The following TMEM50A variants were observed in gnomAD, a reference collection of about 807,000 sequenced individuals.
TMEM50A encodes transmembrane protein 50A.
Under a neutral mutation model 23.9 loss-of-function variants are expected in TMEM50A, and 8 were observed. That is an observed-to-expected ratio of 0.33 (90% CI 0.20 to 0.60). The LOEUF is 0.60. TMEM50A is among the 20% of genes least tolerant of loss of function. The pLI is 0.81. For missense variants in TMEM50A, 178 were observed against 192.7 expected, an observed-to-expected ratio of 0.92 and a Z score of 0.45; for synonymous variants, 55 against 60.4, an observed-to-expected ratio of 0.91 and a Z score of 0.41.
chr1:25,340,522 A>G lies in TMEM50A; in HGVS notation c.36A>G (p.Glu12=), dbSNP rs753247804. The part of the protein sequence containing the change: ...SGFLEGLRCS[E]CIDWGEKRNT... ...TTCTAGAGGGCTTGAGATGCTCAGAATGCATTGACTGGGGGGAAAAGCGCA... is the reference window on the plus strand; with the variant it reads ...TTCTAGAGGGCTTGAGATGCTCAGAGTGCATTGACTGGGGGGAAAAGCGCA... The change falls in exon 2 of 7, where the codon GAA becomes GAG. Residue 12 remains glutamate (E), a synonymous_variant. Transcript: ENST00000374358. 1.6e-5 allele frequency: 26 copies of G among 1,613,892 alleles called. No homozygotes were observed. The highest frequency in any genetic ancestry group is 1.7e-4 in the Middle Eastern group (1 of 6,060).
intron 3 of TMEM50A, among the ~76,000 whole-genome samples, chr1:25,349,227 C>T (rs1013702489): frequency 7.2e-5 from 11 of 152,166 alleles, no homozygotes; most frequent in Non-Finnish European, 7.3e-5. Context: ...AAATACCAGA[C>T]GTTTCAGTAA....
intron 2 of TMEM50A, among the ~76,000 whole-genome samples, chr1:25,340,831 A>G (rs1359621907): frequency 6.6e-6 from 1 of 152,214 alleles, no homozygotes; most frequent in Non-Finnish European, 1.5e-5. Context: ...TGTTCATTAT[A>G]TGGATTATAT....
chr1:25,356,870 T>C lies in TMEM50A; in HGVS notation c.428+17T>C, dbSNP rs777968106. 2 of 1,559,432 alleles carry C rather than the reference T, an allele frequency of 1.3e-6. No individual in the cohort carries two copies. Among genetic ancestry groups the C allele is most frequent in the Middle Eastern group, 1.7e-4 (1 of 5,880 alleles). ...CTTTTTTGGGTAAGTTTGTTTTGCATTCTTTATGTTTGTTTGTTTTTTTTT... is the reference window on the plus strand; with the variant it reads ...CTTTTTTGGGTAAGTTTGTTTTGCACTCTTTATGTTTGTTTGTTTTTTTTT... On this transcript the variant is annotated intron_variant, in intron 6 of 6. Coordinates refer to ENST00000374358, the MANE Select transcript of TMEM50A (RefSeq NM_014313.4).
chr1:25,357,528 A>AGTGTGTGT (rs58801158), intron 6 of TMEM50A, among the ~76,000 whole-genome samples: 2,056 of 139,606 alleles, frequency 0.015, 43 homozygotes, highest in African/African-American at 0.045. Flanking sequence ...CTGCATCAGG[A>AGTGTGTGT]GTGTGTGTGT....
At chr1:25,346,429 T>C (rs558577654) in intron 3 of TMEM50A, among the ~76,000 whole-genome samples, 1 of 151,836 alleles carries the variant, frequency 6.6e-6, no homozygotes, top group East Asian at 2.0e-4. Context: ...AGGGCCTCGC[T>C]TGTCACCCAG....
intron 5 of TMEM50A, among the ~76,000 whole-genome samples, chr1:25,356,108 C>T (rs796445007): frequency 5.1e-4 from 78 of 152,278 alleles, no homozygotes; most frequent in African/African-American, 1.9e-3. Context: ...CCTCTCTTGC[C>T]TCCTTTAATC....
chr1:25,360,577 T>G, intron 6 of TMEM50A, 83 bp from the exon 7 acceptor site: 1 of 1,493,096 alleles, frequency 6.7e-7, no homozygotes, highest in South Asian at 1.2e-5. Context: ...TTCTTCGTTG[T>G]TTGTTTCACA....
intron 5 of TMEM50A, among the ~76,000 whole-genome samples, chr1:25,353,984 T>A (rs1402521282): frequency 6.6e-6 from 1 of 152,108 alleles, no homozygotes; most frequent in African/African-American, 2.4e-5. Flanking sequence ...ATTTTTAATT[T>A]TATTTTAATT....
Position 25,348,233 on chromosome 1 carries a change from TGTTA to T in TMEM50A, c.207-3388_207-3385del, listed in dbSNP as rs1305985669. Among the ~76,000 whole-genome samples, 9 of 152,334 alleles carry T rather than the reference TGTTA, an allele frequency of 5.9e-5. No homozygotes were observed. The South Asian group carries it at 8.3e-4, about 14-fold the overall frequency. On this transcript the variant is annotated intron_variant, in intron 3 of 6. Coordinates refer to ENST00000374358, the MANE Select transcript of TMEM50A (RefSeq NM_014313.4). ...TCAGGCCATAATTTTAAACAAAAAC[TGTTA>T]GTTAATTATAATTCAAATGGATAGG...
chr1:25,359,746 TC>T (rs1645375238), intron 6 of TMEM50A, among the ~76,000 whole-genome samples: 1 of 152,014 alleles, frequency 6.6e-6, no homozygotes. Context: ...CTGTTTCCTG[TC>T]CCCGAAACAC....
Position 25,360,943 on chromosome 1 carries a change from C to A in TMEM50A, c.*238C>A. ...AAACTTTCACATGAATAATTTTTGT[C>A]AAATTTTATCATGGTATAATTTGTA... On this transcript the variant is annotated 3_prime_UTR_variant, in exon 7 of 7. Transcript: ENST00000374358. The A allele has an allele frequency of 2.6e-6, 1 of 380,446 alleles. No homozygotes were observed. 23.6% of individuals were successfully genotyped at this position (380,446 alleles called of 1,614,324 possible).
intron 1 of TMEM50A, among the ~76,000 whole-genome samples, chr1:25,339,602 T>C (rs1645145647): frequency 2.6e-5 from 4 of 152,232 alleles, no homozygotes; most frequent in Admixed American, 2.6e-4. Context: ...TGATAAAATA[T>C]GTAAATTAGA....
chr1:25,360,605 C>T (rs1645389558), intron 6 of TMEM50A, 55 bp from the exon 7 acceptor site: 19 of 1,589,612 alleles, frequency 1.2e-5, no homozygotes, highest in Non-Finnish European at 1.5e-5. Context: ...CGAAATCTCA[C>T]ATACTCTTTT....
In TMEM50A at chr1:25,340,512, G is replaced by A. The variant is rs1321222500; in HGVS notation, c.26G>A (p.Arg9Lys). 1.2e-6 allele frequency: 2 copies of A among 1,613,848 alleles called. No homozygotes were observed. Among genetic ancestry groups the A allele is most frequent in the Non-Finnish European group, 1.7e-6 (2 of 1,179,924 alleles). The change falls in exon 2 of 7, where the codon AGA becomes AAA. Residue 9 changes from arginine to lysine, a missense_variant. Physicochemically the swap from Arg to Lys is conservative, Grantham distance 26. Transcript: ENST00000374358. ...ATGTCTGGATTTCTAGAGGGCTTGA[G>A]ATGCTCAGAATGCATTGACTGGGGG... MSGFLEGLRCSECIDWGEK... is the reference protein window; with the variant it reads MSGFLEGLKCSECIDWGEK...
At chr1:25,346,436 C>T (rs1645218379) in intron 3 of TMEM50A, among the ~76,000 whole-genome samples, 1 of 152,016 alleles carries the variant, frequency 6.6e-6, no homozygotes, top group African/African-American at 2.4e-5. Flanking sequence ...CGCTTGTCAC[C>T]CAGGCTGGAG....
At chr1:25,352,799 CT>C in intron 4 of TMEM50A, 82 bp from the exon 5 acceptor site, 1 of 1,134,576 alleles carries the variant, frequency 8.8e-7, no homozygotes. Context: ...TTTTTTTTTT[CT>C]GTTTGGGTTT....
At chr1:25,360,618 C>G (rs1452445392) in intron 6 of TMEM50A, 42 bp from the exon 7 acceptor site, 2 of 1,608,878 alleles carry the variant, frequency 1.2e-6, no homozygotes, top group Non-Finnish European at 1.7e-6. Flanking sequence ...ACTCTTTTCT[C>G]AAATTCAGGG....
chr1:25,361,011 G>A lies in TMEM50A; in HGVS notation c.*306G>A. ...CAAAAGAAATTATGGATTTGTCAAT[G>A]TAAGTATTTGTCATATCTGAGGTCC... On this transcript the variant is annotated 3_prime_UTR_variant, in exon 7 of 7. Transcript: ENST00000374358. 3.7e-6 allele frequency: 1 copy of A among 270,802 alleles called. No homozygotes were observed. Among genetic ancestry groups the A allele is most frequent in the Admixed American group, 4.8e-5 (1 of 20,664 alleles). The allele number at this position is 270,802 out of a possible 1,614,324, so 16.8% of individuals were successfully genotyped here.
intron 2 of TMEM50A, among the ~76,000 whole-genome samples, chr1:25,341,232 T>C (rs1419951116): frequency 6.6e-6 from 1 of 152,056 alleles, no homozygotes; most frequent in Non-Finnish European, 1.5e-5. Context: ...AGTTTTGCTC[T>C]TGTTTTTTTG....
Sources: allele counts gnomAD v4.1 joint callset (sites outside exome capture counted in the v4.1 genomes callset), GRCh38; gene constraint gnomAD v4.1.1; transcripts MANE v1.5; gene names NCBI Gene and HGNC (gene_info 2026-07-23, HGNC 2026-07-21).